The following CDYL variants were observed in gnomAD, a reference collection of about 807,000 sequenced individuals.
The protein encoded by CDYL is chromodomain Y like.
Under a neutral mutation model 47.3 loss-of-function variants are expected in CDYL, and 8 were observed. That is an observed-to-expected ratio of 0.17 (90% CI 0.10 to 0.31). CDYL has a LOEUF of 0.31. Among genes scored for constraint, CDYL ranks in the 10% least tolerant of loss-of-function variants. The pLI is 1.00. For synonymous variants in CDYL, 266 were observed against 265.0 expected (o/e 1.00, Z -0.04); for missense variants, 471 against 701.4 (o/e 0.67, Z 3.71).
intron 2 of CDYL, among the ~76,000 whole-genome samples, chr6:4,935,070 G>A (rs1016995633): frequency 3.9e-5 from 6 of 152,196 alleles, no homozygotes; most frequent in East Asian, 1.9e-4. Flanking sequence ...CTGCATCCAC[G>A]TGTCTATCCA....
intron 2 of CDYL, among the ~76,000 whole-genome samples, chr6:4,732,825 G>A (rs528364095): frequency 2.0e-5 from 3 of 152,196 alleles, no homozygotes; most frequent in South Asian, 2.1e-4. Flanking sequence ...AAAAGATAGC[G>A]GCCTGGAAGA....
rs1757391035 is a variant in CDYL at position 4,722,516 on chromosome 6, C to A, written c.103+6635C>A. Among the ~76,000 whole-genome samples, 6 of 152,198 alleles carry A rather than the reference C, an allele frequency of 3.9e-5. No individual in the cohort carries two copies. The South Asian group carries it at 1.2e-3, about 32-fold the overall frequency. ...TAAAGATTTTTAAAAAGAGTACGTG[C>A]CACAGTGACCAACTCATCCTGGTTA... is the stretch of plus-strand genomic sequence containing the variant. On this transcript the variant is annotated intron_variant, in intron 2 of 8. Coordinates refer to the CDYL transcript ENST00000328908.
intron 1 of CDYL, among the ~76,000 whole-genome samples, chr6:4,847,470 G>A (rs1460615059): frequency 6.6e-6 from 1 of 152,276 alleles, no homozygotes; most frequent in East Asian, 1.9e-4. Flanking sequence ...TTGTGTGATA[G>A]CAGGGTCTAG....
chr6:4,777,522 A>G lies in CDYL; in HGVS notation c.24+715A>G, dbSNP rs562705055. ...CTTTAGACATGTTTTGTATGTCTCC[A>G]TGTAACTTCTTTTGACGTATTTCAA... On this transcript the variant is annotated intron_variant, in intron 1 of 6. Transcript: ENST00000397588. Among the ~76,000 whole-genome samples, 547 of 152,342 alleles carry G rather than the reference A, an allele frequency of 3.6e-3. 1 individual carries two copies. Among genetic ancestry groups the G allele is most frequent in the Non-Finnish European group, 4.4e-3 (302 of 68,020 alleles).
At chr6:4,896,969 T>C (rs1203778865) in intron 2 of CDYL, among the ~76,000 whole-genome samples, 1 of 129,048 alleles carries the variant, frequency 7.7e-6, no homozygotes, top group Non-Finnish European at 1.8e-5. Context: ...TTTTTAATTA[T>C]TTTAAGTATG....
intron 1 of CDYL, among the ~76,000 whole-genome samples, chr6:4,791,209 ACTGTATAACCGATT>A (rs1241600573): frequency 2.0e-5 from 3 of 152,222 alleles, no homozygotes; most frequent in Non-Finnish European, 4.4e-5. Context: ...ACCACTGTTC[ACTGTATAACCGATT>A]CCATAGGCTC....
chr6:4,734,350 C>T (rs575496867), intron 2 of CDYL, among the ~76,000 whole-genome samples: 2 of 152,300 alleles, frequency 1.3e-5, no homozygotes, highest in South Asian at 4.1e-4. Context: ...CACTCCTAGG[C>T]TCCTGCCAGC....
chr6:4,937,741 T>C lies in CDYL; in HGVS notation c.1121+4T>C, dbSNP rs764631579. 3 of 1,598,416 alleles carry C rather than the reference T, an allele frequency of 1.9e-6. No homozygotes were observed. The highest frequency in any genetic ancestry group is 2.6e-6 in the Non-Finnish European group (3 of 1,175,310). ...CTAAAATGGCAGAAGCTATCAGGTA[T>C]GTAAAAATGATGTTTTTTAAACATT... On this transcript the variant is annotated splice_donor_region_variant and intron_variant, in intron 4 of 6. Coordinates refer to ENST00000397588, the MANE Select transcript of CDYL (RefSeq NM_004824.4).
At chr6:4,738,851 C>T (rs1373251048) in intron 3 of CDYL, among the ~76,000 whole-genome samples, 3 of 152,184 alleles carry the variant, frequency 2.0e-5, no homozygotes, top group Admixed American at 6.5e-5. Flanking sequence ...TTATACGTAG[C>T]GACATCAAGG....
Position 4,777,810 on chromosome 6 carries a change from T to C in CDYL, c.24+1003T>C, listed in dbSNP as rs73362503. Among the ~76,000 whole-genome samples, 718 of 152,282 alleles carry C rather than the reference T, an allele frequency of 4.7e-3. 6 individuals are homozygous for C. The highest frequency in any genetic ancestry group is 0.015 in the African/African-American group (633 of 41,574). ...GCGTATTATTGCTGTTGGCATAGAA[T>C]AGAGCTTTGTTGTCTGCGATGTTAG... On this transcript the variant is annotated intron_variant, in intron 1 of 6. Transcript: ENST00000397588.
chr6:4,894,875 A>ATG (rs1285890714), intron 2 of CDYL, among the ~76,000 whole-genome samples: 1 of 3,128 alleles, frequency 3.2e-4, no homozygotes, highest in African/African-American at 3.5e-4. Flanking sequence ...ATATACACAC[A>ATG]TGTGTATGTG....
At chr6:4,945,655 T>C (rs1055465749) in intron 5 of CDYL, among the ~76,000 whole-genome samples, 1 of 152,242 alleles carries the variant, frequency 6.6e-6, no homozygotes, top group African/African-American at 2.4e-5. Flanking sequence ...TCCTTCCAGA[T>C]AGAGGTCTTT....
chr6:4,910,612 C>G (rs547032494), intron 2 of CDYL, among the ~76,000 whole-genome samples: 1 of 152,312 alleles, frequency 6.6e-6, no homozygotes, highest in South Asian at 2.1e-4. Flanking sequence ...CTCAGCTGAG[C>G]AACTTAAGAG....
At chr6:4,819,477 G>A (rs1485845691) in intron 1 of CDYL, among the ~76,000 whole-genome samples, 1 of 151,990 alleles carries the variant, frequency 6.6e-6, no homozygotes, top group African/African-American at 2.4e-5. Context: ...TTTCTTTCTG[G>A]TCTGTTGACA....
At chr6:4,804,184 CT>C (rs2127440850) in intron 1 of CDYL, among the ~76,000 whole-genome samples, 1 of 152,228 alleles carries the variant, frequency 6.6e-6, no homozygotes, top group East Asian at 1.9e-4. Context: ...TCTGGGAGAG[CT>C]GAGGCCACTC....
chr6:4,776,649 C>A lies in CDYL; in HGVS notation c.-135C>A, dbSNP rs1005124751. The stretch of plus-strand genomic sequence containing the variant: ...GGCCGCGGAGTGCAAGAGGCTCGTC[C>A]GTGCCCAGCGCCCGGCCGGCCGCGG... On this transcript the variant is annotated 5_prime_UTR_variant, in exon 1 of 7. Coordinates refer to ENST00000397588, the MANE Select transcript of CDYL (RefSeq NM_004824.4). 3.2e-5 allele frequency: 23 copies of A among 715,840 alleles called. No individual in the cohort carries two copies. The South Asian group carries it at 5.0e-4, about 15-fold the overall frequency. 44.3% of individuals were successfully genotyped at this position (715,840 alleles called of 1,614,324 possible). A position where few individuals can be genotyped will look rare whatever the true frequency, so the allele number is the denominator to read the frequency against.
chr6:4,800,683 T>C (rs1463418325), intron 1 of CDYL, among the ~76,000 whole-genome samples: 1 of 152,214 alleles, frequency 6.6e-6, no homozygotes, highest in African/African-American at 2.4e-5. Context: ...GGAAACTTCT[T>C]CTGAATACTA....
intron 1 of CDYL, among the ~76,000 whole-genome samples, chr6:4,784,269 G>T (rs1173741313): frequency 3.3e-5 from 5 of 152,230 alleles, no homozygotes; most frequent in South Asian, 4.2e-4. Flanking sequence ...TTTGGGTTGG[G>T]GGCAGTTACT....
intron 2 of CDYL, among the ~76,000 whole-genome samples, chr6:4,731,103 G>C (rs1475831688): frequency 6.6e-6 from 1 of 152,176 alleles, no homozygotes. Flanking sequence ...ATCCTGACTA[G>C]TGCGAATACT....
Sources: allele counts gnomAD v4.1 joint callset (sites outside exome capture counted in the v4.1 genomes callset), GRCh38; gene constraint gnomAD v4.1.1; transcripts MANE v1.5; gene names NCBI Gene and HGNC (gene_info 2026-07-23, HGNC 2026-07-21).